ADAMTSL1: variants seen among roughly 807,000 people sequenced by gnomAD.
ADAMTSL1 encodes ADAMTS like 1.
ADAMTSL1 carries 126 observed loss-of-function variants against 201.8 expected under a neutral mutation model. That is an observed-to-expected ratio of 0.62 (90% CI 0.54 to 0.72). The LOEUF is 0.72. ADAMTSL1 is among the 30% of genes least tolerant of loss of function. The probability of loss-of-function intolerance (pLI) is 0.00; values close to 1 mark genes in which losing one functional copy is unlikely to be tolerated. For synonymous variants in ADAMTSL1, 1,121 were observed against 903.4 expected, an observed-to-expected ratio of 1.24 and a Z score of -4.32; for missense variants, 2,679 against 2,277.8, an observed-to-expected ratio of 1.18 and a Z score of -3.59.
Position 18,829,858 on chromosome 9 carries a change from C to T in ADAMTSL1, c.4130C>T (p.Pro1377Leu), listed in dbSNP as rs780512722. 1.1e-5 allele frequency: 18 copies of T among 1,613,998 alleles called. No homozygotes were observed. The South Asian group carries it at 2.0e-4, about 18-fold the overall frequency. The change falls in exon 23 of 29, where the codon CCC (proline) becomes CTC (leucine). Residue 1377 changes from proline to leucine, a missense_variant. Coordinates refer to ENST00000380548, the MANE Select transcript of ADAMTSL1 (RefSeq NM_001040272.6). Reference sequence around the variant, plus strand: ...CTTCTCACAGATCCCCCCCAAGTCCCCACACAGTTGGAAGACATCAGGGCC... The same window carrying T: ...CTTCTCACAGATCCCCCCCAAGTCCTCACACAGTTGGAAGACATCAGGGCC... The part of the protein sequence containing the change: ...QLLILDPPQV[P>L]TQLEDIRALL...
At chr9:18,295,731 C>G (rs1833453783) in intron 2 of ADAMTSL1, among the ~76,000 whole-genome samples, 2 of 152,182 alleles carry the variant, frequency 1.3e-5, no homozygotes, top group Admixed American at 6.5e-5. Flanking sequence ...ATTTTGCAAA[C>G]AATTCTAAAT....
At chr9:18,460,188 C>T (rs188400464) in intron 2 of ADAMTSL1, among the ~76,000 whole-genome samples, 3 of 152,280 alleles carry the variant, frequency 2.0e-5, no homozygotes, top group Non-Finnish European at 4.4e-5. Context: ...CAACCACACC[C>T]TATTCTTGGC....
intron 5 of ADAMTSL1, among the ~76,000 whole-genome samples, chr9:18,634,548 T>G (rs1375880846): frequency 6.6e-6 from 1 of 151,740 alleles, no homozygotes; most frequent in African/African-American, 2.4e-5. Flanking sequence ...TATCTCAAAA[T>G]AATAATAAGG....
At chr9:18,655,060 A>G (rs1173151858) in intron 7 of ADAMTSL1, among the ~76,000 whole-genome samples, 2 of 152,244 alleles carry the variant, frequency 1.3e-5, no homozygotes, top group Non-Finnish European at 2.9e-5. Flanking sequence ...CACAGCTTCT[A>G]CATCAGTGAG....
At chr9:18,365,264 C>A (rs7024252) in intron 2 of ADAMTSL1, among the ~76,000 whole-genome samples, 1 of 151,884 alleles carries the variant, frequency 6.6e-6, no homozygotes, top group East Asian at 1.9e-4. Context: ...ATGTACTTAT[C>A]GACATCATCA....
At position 18,657,664 on chromosome 9, in the gene ADAMTSL1, G is replaced by C. The variant is rs1828781836; in HGVS notation, c.860G>C (p.Ser287Thr). The C allele has an allele frequency of 3.1e-6, 5 of 1,614,056 alleles. No homozygotes were observed. In the South Asian group the frequency reaches 5.5e-5, roughly 18 times the overall value. The change falls in exon 8 of 29, where the codon AGT becomes ACT. Residue 287 changes from serine (S) to threonine (T), a missense_variant. By Grantham distance (58) the Ser-to-Thr change is moderately conservative. Coordinates refer to ENST00000380548, the MANE Select transcript of ADAMTSL1 (RefSeq NM_001040272.6). The part of the protein sequence containing the change: ...VKIRNSGSAD[S>T]TVQFIFYQPI... ...ATTCGTAACTCGGGCTCCGCTGACA[G>C]TACAGTCCAGTTCATCTTCTATCAA...
chr9:18,734,283 G>A (rs531959708), intron 15 of ADAMTSL1, among the ~76,000 whole-genome samples: 108 of 152,296 alleles, frequency 7.1e-4, no homozygotes, highest in African/African-American at 2.4e-3. Flanking sequence ...CTTGATTGGA[G>A]GATGTAGGTG....
intron 1 of ADAMTSL1, among the ~76,000 whole-genome samples, chr9:18,065,386 T>C (rs1822650250): frequency 1.3e-5 from 2 of 152,210 alleles, no homozygotes; most frequent in South Asian, 4.1e-4. Context: ...GTTTCATTAC[T>C]CTCTTCTCAA....
chr9:18,166,763 G>T (rs1447032925), intron 2 of ADAMTSL1, among the ~76,000 whole-genome samples: 1 of 151,904 alleles, frequency 6.6e-6, no homozygotes, highest in African/African-American at 2.4e-5. Context: ...TTCCGGAAAA[G>T]TTTCTTTCAA....
At chr9:18,292,314 A>C (rs1279374676) in intron 2 of ADAMTSL1, among the ~76,000 whole-genome samples, 1 of 152,136 alleles carries the variant, frequency 6.6e-6, no homozygotes, top group African/African-American at 2.4e-5. Context: ...CCAGCTTGCC[A>C]TCTTGGTAGC....
At chr9:18,314,799 T>C (rs1398322374) in intron 2 of ADAMTSL1, among the ~76,000 whole-genome samples, 2 of 100,134 alleles carry the variant, frequency 2.0e-5, no homozygotes, top group African/African-American at 6.4e-5. Flanking sequence ...TTTTTTTTTT[T>C]TTTTTTTTTT....
intron 1 of ADAMTSL1, among the ~76,000 whole-genome samples, chr9:18,474,663 C>T (rs1227194339): frequency 6.6e-6 from 1 of 151,992 alleles, no homozygotes; most frequent in Non-Finnish European, 1.5e-5. Context: ...CTGTGGTGTT[C>T]CTGGAATTTT....
intron 23 of ADAMTSL1, 132 bp downstream of exon 23, chr9:18,830,109 G>C: frequency 8.0e-7 from 1 of 1,244,364 alleles, no homozygotes; most frequent in Non-Finnish European, 1.1e-6. Context: ...ATTGCCTACA[G>C]AATCCAGACT....
intron 1 of ADAMTSL1, among the ~76,000 whole-genome samples, chr9:18,094,320 G>A (rs59820283): frequency 0.013 from 1,993 of 152,248 alleles, 35 homozygotes; most frequent in African/African-American, 0.045. Flanking sequence ...GGCTTTATCT[G>A]CCTCTATCTC....
chr9:18,393,539 C>G (rs2133232599), intron 2 of ADAMTSL1, among the ~76,000 whole-genome samples: 1 of 152,324 alleles, frequency 6.6e-6, no homozygotes, highest in Non-Finnish European at 1.5e-5. Flanking sequence ...ATCATTCAAA[C>G]TTACTAAGGA....
chr9:18,722,943 C>T, intron 15 of ADAMTSL1: 2 of 741,066 alleles, frequency 2.7e-6, no homozygotes, highest in Non-Finnish European at 2.5e-6. Flanking sequence ...TCGCAGCTCT[C>T]TAGTTGTTGA....
intron 7 of ADAMTSL1, 77 bp downstream of exon 7, chr9:18,639,488 A>G (rs1587766948): frequency 6.5e-7 from 1 of 1,531,638 alleles, no homozygotes; most frequent in East Asian, 2.3e-5. Flanking sequence ...GCAGAGAGCG[A>G]TTTTTGGTTC....
chr9:18,341,092 G>C (rs927276807), intron 2 of ADAMTSL1, among the ~76,000 whole-genome samples: 1 of 152,064 alleles, frequency 6.6e-6, no homozygotes, highest in Non-Finnish European at 1.5e-5. Flanking sequence ...TGGCTGATCT[G>C]TCAGGAACAC....
intron 1 of ADAMTSL1, among the ~76,000 whole-genome samples, chr9:18,001,055 A>C (rs542317931): frequency 6.6e-6 from 1 of 152,008 alleles, no homozygotes; most frequent in African/African-American, 2.4e-5. Context: ...TGAAAATGCT[A>C]TTGCCAGGAA....
Sources: allele counts gnomAD v4.1 joint callset (sites outside exome capture counted in the v4.1 genomes callset), GRCh38; gene constraint gnomAD v4.1.1; transcripts MANE v1.5; gene names NCBI Gene and HGNC (gene_info 2026-07-23, HGNC 2026-07-21).